The following MYT1L variants were observed in gnomAD, a reference collection of about 807,000 sequenced individuals.
MYT1L encodes the protein myelin transcription factor 1 like, also known as myelin transcription factor 1-like protein.
MYT1L carries 12 observed loss-of-function variants against 126.7 expected under a neutral mutation model. The observed-to-expected ratio is 0.09, with a 90% confidence interval of 0.06 to 0.15. The LOEUF is 0.15. Among genes scored for constraint, MYT1L ranks in the 10% least tolerant of loss-of-function variants. MYT1L has a pLI of 1.00. For synonymous variants in MYT1L, 541 were observed against 604.2 expected, an observed-to-expected ratio of 0.90 and a Z score of 1.53; for missense variants, 979 against 1,585.2, an observed-to-expected ratio of 0.62 and a Z score of 6.49.
chr2:1,855,041 T>C (rs567417600), intron 18 of MYT1L, among the ~76,000 whole-genome samples: 1 of 152,320 alleles, frequency 6.6e-6, no homozygotes, highest in Admixed American at 6.5e-5. Context: ...GAATGGCTTT[T>C]CAAGGGTTCC....
intron 21 of MYT1L, among the ~76,000 whole-genome samples, chr2:1,812,260 G>A (rs980044587): frequency 1.3e-5 from 2 of 152,200 alleles, no homozygotes; most frequent in Non-Finnish European, 2.9e-5. Context: ...GACTTAGGCA[G>A]TCCTGTTTGC....
At chr2:2,253,053 A>C (rs1455102217) in intron 2 of MYT1L, among the ~76,000 whole-genome samples, 2 of 152,100 alleles carry the variant, frequency 1.3e-5, no homozygotes, top group Non-Finnish European at 2.9e-5. Context: ...TTTTCTGCAA[A>C]ATTTTAGAGT....
chr2:2,293,953 C>T (rs1221579603), intron 1 of MYT1L, among the ~76,000 whole-genome samples: 5 of 152,120 alleles, frequency 3.3e-5, no homozygotes, highest in Admixed American at 1.3e-4. Flanking sequence ...GGGAAGGCAA[C>T]GGCCACCAGC....
At chr2:1,851,724 T>C in intron 18 of MYT1L, 21 bp from the exon 19 acceptor site, 1 of 1,608,954 alleles carries the variant, frequency 6.2e-7, no homozygotes, top group Non-Finnish European at 8.5e-7. Flanking sequence ...AAATGCAAAT[T>C]GTGTTAAAAT....
intron 1 of MYT1L, among the ~76,000 whole-genome samples, chr2:2,291,704 T>C (rs1573236244): frequency 6.6e-6 from 1 of 152,212 alleles, no homozygotes; most frequent in Non-Finnish European, 1.5e-5. Context: ...CGGTTGCAGG[T>C]GGACAGCAGC....
At chr2:2,023,754 C>T (rs1417517541) in intron 4 of MYT1L, among the ~76,000 whole-genome samples, 1 of 152,086 alleles carries the variant, frequency 6.6e-6, no homozygotes. Flanking sequence ...CCTTGGACCA[C>T]GTGGCCCTCT....
intron 8 of MYT1L, among the ~76,000 whole-genome samples, chr2:1,948,387 A>C (rs2057434919): frequency 6.6e-6 from 1 of 152,214 alleles, no homozygotes; most frequent in African/African-American, 2.4e-5. Flanking sequence ...CTCCTACTGC[A>C]GTTCCTGGTA....
At chr2:1,923,937 A>G (rs1048577010) in intron 9 of MYT1L, among the ~76,000 whole-genome samples, 2 of 152,226 alleles carry the variant, frequency 1.3e-5, no homozygotes, top group Admixed American at 6.5e-5. Context: ...TAGACAGTAA[A>G]TCTGATTCCT....
intron 16 of MYT1L, among the ~76,000 whole-genome samples, chr2:1,888,946 T>A (rs539554850): frequency 2.0e-5 from 3 of 152,142 alleles, no homozygotes; most frequent in African/African-American, 4.8e-5. Context: ...CCCAGAAAAA[T>A]GAACTCAGGT....
Position 2,172,971 on chromosome 2 carries a change from C to T in MYT1L, c.-403G>A, listed in dbSNP as rs368962386. 1 of 152,242 alleles carries T rather than the reference C, an allele frequency of 6.6e-6. No homozygotes were observed. Among genetic ancestry groups the T allele is most frequent in the Non-Finnish European group, 1.5e-5 (1 of 68,064 alleles). The allele number at this position is 152,242 out of a possible 1,614,324, so 9.4% of individuals were successfully genotyped here. ...CCCACTGGATAGGAATTCACCAATT[C>T]TCCTCTGAGTTCATTTTCTAAAGGA... On this transcript the variant is annotated 5_prime_UTR_variant, in exon 3 of 25. Coordinates refer to ENST00000647738, the MANE Select transcript of MYT1L (RefSeq NM_001303052.2).
intron 23 of MYT1L, among the ~76,000 whole-genome samples, chr2:1,800,473 T>A (rs752813468): frequency 2.6e-5 from 4 of 152,190 alleles, no homozygotes; most frequent in African/African-American, 4.8e-5. Flanking sequence ...AGCAGCCACA[T>A]GGCCTGGTGG....
intron 4 of MYT1L, among the ~76,000 whole-genome samples, chr2:2,019,224 T>C (rs183481278): frequency 1.3e-5 from 2 of 152,122 alleles, no homozygotes; most frequent in African/African-American, 2.4e-5. Context: ...GTCTTTCCCA[T>C]GCTGTTCTTG....
In MYT1L at chr2:2,181,698, C is replaced by T. The variant is rs992819778; in HGVS notation, c.-420-8710G>A. Among the ~76,000 whole-genome samples, 19 of 152,304 alleles carry T rather than the reference C, an allele frequency of 1.2e-4. No individual in the cohort carries two copies. The East Asian group carries it at 3.7e-3, about 29-fold the overall frequency. Reference sequence around the variant, plus strand: ...CAAGGACTGGGGGTGCTCCCCTGCTCTCTAAACCTGCAGCCTTTTCCTTCA... The same window carrying T: ...CAAGGACTGGGGGTGCTCCCCTGCTTTCTAAACCTGCAGCCTTTTCCTTCA... On this transcript the variant is annotated intron_variant, in intron 2 of 24. Coordinates refer to ENST00000647738, the MANE Select transcript of MYT1L (RefSeq NM_001303052.2).
At chr2:2,024,624 G>A (rs1046240873) in intron 4 of MYT1L, among the ~76,000 whole-genome samples, 3 of 152,110 alleles carry the variant, frequency 2.0e-5, no homozygotes, top group South Asian at 2.1e-4. Context: ...TATCCAGGCC[G>A]GCTTTGTTGT....
chr2:2,146,993 G>A (rs2084980960), intron 3 of MYT1L, among the ~76,000 whole-genome samples: 1 of 152,166 alleles, frequency 6.6e-6, no homozygotes, highest in Non-Finnish European at 1.5e-5. Context: ...CTTAGCTTAG[G>A]AGTTGCCTCA....
At chr2:1,969,037 A>G (rs1411291002) in intron 8 of MYT1L, among the ~76,000 whole-genome samples, 2 of 152,224 alleles carry the variant, frequency 1.3e-5, no homozygotes, top group African/African-American at 2.4e-5. Flanking sequence ...TTTCTCAGAA[A>G]AATATAGCCT....
At chr2:2,223,455 T>C (rs1407522307) in intron 2 of MYT1L, among the ~76,000 whole-genome samples, 1 of 152,246 alleles carries the variant, frequency 6.6e-6, no homozygotes, top group South Asian at 2.1e-4. Flanking sequence ...TATAGACTTC[T>C]TAATCTTTCT....
chr2:2,000,711 T>C (rs190272413), intron 4 of MYT1L, among the ~76,000 whole-genome samples: 111 of 152,318 alleles, frequency 7.3e-4, no homozygotes, highest in African/African-American at 2.7e-3. Context: ...CTTCTCCAGT[T>C]TGTGGACACA....
chr2:2,200,468 C>T (rs1488574974), intron 2 of MYT1L, among the ~76,000 whole-genome samples: 2 of 152,150 alleles, frequency 1.3e-5, no homozygotes, highest in Middle Eastern at 3.4e-3. Flanking sequence ...ACATCTGTCT[C>T]CATGACCACG....
Sources: gnomAD v4.1 joint callset for allele counts (sites outside exome capture counted in the v4.1 genomes callset) on GRCh38, gnomAD v4.1.1 for gene constraint, MANE v1.5 for transcripts, NCBI Gene and HGNC (gene_info 2026-07-23, HGNC 2026-07-21) for gene names.